Variants in ZNF814 observed in about 807,000 individuals in gnomAD.
ZNF814 encodes zinc finger protein 814.
ZNF814 carries 5 observed loss-of-function variants against 7.5 expected under a neutral mutation model. That is an observed-to-expected ratio of 0.67 (90% confidence interval 0.35 to 1.40). The LOEUF is 1.40. Among genes scored for constraint, ZNF814 ranks in the 40% most tolerant of loss-of-function variants. The probability of loss-of-function intolerance (pLI) is 0.04; values close to 1 mark genes in which losing one functional copy is unlikely to be tolerated. For missense variants in ZNF814, 962 were observed against 1,018.0 expected (o/e 0.94, Z 0.75); for synonymous variants, 315 against 340.7 (o/e 0.92, Z 0.83).
intron 1 of ZNF814, chr19:57,886,054 A>T (rs1472958775): frequency 2.0e-5 from 3 of 151,964 alleles, no homozygotes; most frequent in Non-Finnish European, 4.4e-5. Context: ...ACAAAAATTT[A>T]AAATTTAAAA....
intron 1 of ZNF814, among the ~76,000 whole-genome samples, chr19:57,883,417 C>T (rs1828476717): frequency 6.6e-6 from 1 of 150,842 alleles, no homozygotes; most frequent in Admixed American, 6.6e-5. Flanking sequence ...AATCCCAGCA[C>T]TTTGGGAGGC....
At chr19:57,905,047 CAAAAAAAAAAAA>C in the ZNF814 span, among the ~76,000 whole-genome samples, 1 of 53,430 alleles carries the variant, frequency 1.9e-5, no homozygotes, top group Admixed American at 2.3e-4. Context: ...AACTCCGTCT[CAAAAAAAAAAAA>C]AAAAAAAAAA....
chr19:57,877,760 CCCT>C (rs1337509467), intron 1 of ZNF814, among the ~76,000 whole-genome samples: 1 of 152,054 alleles, frequency 6.6e-6, no homozygotes, highest in African/African-American at 2.4e-5. Flanking sequence ...TATCTTAATT[CCCT>C]CCTTTTTCTT....
At chr19:57,886,633 C>T (rs1329119152) in intron 1 of ZNF814, among the ~76,000 whole-genome samples, 1 of 151,666 alleles carries the variant, frequency 6.6e-6, no homozygotes, top group Admixed American at 6.6e-5. Flanking sequence ...AATCCCAGCA[C>T]TTTCGGAGGC....
Position 57,873,089 on chromosome 19 carries a change from A to G in ZNF814, c.2301T>C (p.Thr767=). 2 of 1,613,788 alleles carry G rather than the reference A, an allele frequency of 1.2e-6. No homozygotes were observed. The highest frequency in any genetic ancestry group is 1.7e-6 in the Non-Finnish European group (2 of 1,179,930). The change falls in exon 3 of 3, where the codon ACT becomes ACC. Residue 767 remains threonine (T), a synonymous_variant. Transcript: ENST00000435989. ...STFCVHKRIH[T]GEKPYECSEC... ...CACTGCACTCATAAGGCTTTTCTCC[A>G]GTGTGAATTCGCTTATGAACACAGA... is the stretch of plus-strand genomic sequence containing the variant.
At chr19:57,876,847 T>C (rs1169356552) in intron 2 of ZNF814, 69 bp downstream of exon 2, 1 of 1,597,454 alleles carries the variant, frequency 6.3e-7, no homozygotes, top group Non-Finnish European at 8.5e-7. Context: ...TGAGAAAGTC[T>C]TACCAATGGG....
At chr19:57,892,748 G>C (rs372754751), upstream of ZNF814, among the ~76,000 whole-genome samples, 34 of 152,250 alleles carry the variant, frequency 2.2e-4, no homozygotes, top group African/African-American at 7.7e-4. Flanking sequence ...AATGGGAGTG[G>C]GGGGGGCTTC....
At position 57,872,282 on chromosome 19, in the gene ZNF814, C is replaced by T. The variant is rs2071562540; in HGVS notation, c.*540G>A. On this transcript the variant is annotated 3_prime_UTR_variant, in exon 3 of 3. Transcript: ENST00000435989. ...TACATCTATGGTGTTTTTCTCATGT[C>T]AATGTTTGAGGCTCCAATAAAAAGG... Among the ~76,000 whole-genome samples the T allele has an allele frequency of 6.6e-6, 1 of 152,222 alleles. No homozygotes were observed. The highest frequency in any genetic ancestry group is 1.5e-5 in the Non-Finnish European group (1 of 68,044).
the ZNF814 span, among the ~76,000 whole-genome samples, chr19:57,896,187 A>AG: frequency 6.6e-6 from 1 of 152,046 alleles, no homozygotes; most frequent in African/African-American, 2.4e-5. This position sits in a 1 kb window ranked among gnomAD's most constrained non-coding sequence, Gnocchi z 4.2. Flanking sequence ...AAAAAAAAAA[A>AG]AAAAAGAATT....
the ZNF814 span, among the ~76,000 whole-genome samples, chr19:57,895,708 A>G: frequency 2.0e-5 from 3 of 152,100 alleles, no homozygotes; most frequent in Non-Finnish European, 4.4e-5. Context: ...AAGTCGGCCA[A>G]TTAGTGCTGC....
At chr19:57,897,300 T>C in the ZNF814 span, among the ~76,000 whole-genome samples, 1 of 152,202 alleles carries the variant, frequency 6.6e-6, no homozygotes, top group East Asian at 1.9e-4. Flanking sequence ...AGGCTACTCT[T>C]TTAGCTCAAG....
At chr19:57,891,538 AATC>A (rs1212094410), upstream of ZNF814, among the ~76,000 whole-genome samples, 3 of 150,062 alleles carry the variant, frequency 2.0e-5, no homozygotes, top group Admixed American at 6.7e-5. Context: ...AAAAAAAAAA[AATC>A]AAGAAATAAC....
chr19:57,891,441 C>T (rs140222669), upstream of ZNF814, among the ~76,000 whole-genome samples: 507 of 151,262 alleles, frequency 3.4e-3, 4 homozygotes, highest in Middle Eastern at 0.014. Context: ...AGGGGAACGG[C>T]GTGAACCCGG....
At chr19:57,886,213 G>C (rs1367371720) in intron 1 of ZNF814, among the ~76,000 whole-genome samples, 5 of 152,108 alleles carry the variant, frequency 3.3e-5, no homozygotes, top group African/African-American at 9.7e-5. Context: ...GCTTGGAGGA[G>C]AGGCAGACAT....
the ZNF814 span, among the ~76,000 whole-genome samples, chr19:57,904,943 G>C: frequency 6.6e-6 from 1 of 151,684 alleles, no homozygotes; most frequent in Non-Finnish European, 1.5e-5. Context: ...CTAGCTACTC[G>C]GGAGGCTGAG....
At chr19:57,897,249 A>C in the ZNF814 span, among the ~76,000 whole-genome samples, 1 of 152,166 alleles carries the variant, frequency 6.6e-6, no homozygotes, top group East Asian at 1.9e-4. Context: ...ATTTGGCTGA[A>C]TATATTAAGG....
chr19:57,874,281 T>C lies in ZNF814; in HGVS notation c.1109A>G (p.His370Arg), dbSNP rs1317824780. ...SFSKYVSFSN[H>R]QRVHTGKRPY... ...TCTTTTCCCAGTGTGAACTCTCTGA[T>C]GATTACTGAAGCTAACATATTTGCT... The change falls in exon 3 of 3, where the codon CAT (histidine) becomes CGT (arginine). Residue 370 changes from histidine to arginine, a missense_variant. Physicochemically the swap from His to Arg is conservative, Grantham distance 29. Around this residue, in one of 7 missense-constraint regions of ZNF814, gnomAD observed 0 missense variants for 21.6 expected, o/e 0.00. Transcript: ENST00000435989. 1 of 1,598,200 alleles carries C rather than the reference T, an allele frequency of 6.3e-7. No individual in the cohort carries two copies. The highest frequency in any genetic ancestry group is 8.5e-7 in the Non-Finnish European group (1 of 1,172,084).
chr19:57,875,236 A>G lies in ZNF814; in HGVS notation c.164-10T>C. On this transcript the variant is annotated splice_polypyrimidine_tract_variant and intron_variant, in intron 2 of 2. Coordinates refer to ENST00000435989, the MANE Select transcript of ZNF814 (RefSeq NM_001144989.2). ...ACTCCACACCAACAACCTGAAAGCAAGAAAATGCTGGTGAAGTGCATGTTA... is the reference window on the plus strand; with the variant it reads ...ACTCCACACCAACAACCTGAAAGCAGGAAAATGCTGGTGAAGTGCATGTTA... 2 of 1,511,530 alleles carry G rather than the reference A, an allele frequency of 1.3e-6. No individual in the cohort carries two copies. The highest frequency in any genetic ancestry group is 1.8e-6 in the Non-Finnish European group (2 of 1,129,854). The allele number at this position is 1,511,530 out of a possible 1,614,324, so 93.6% of individuals were successfully genotyped here.
At chr19:57,892,513 T>G (rs1027073770), upstream of ZNF814, among the ~76,000 whole-genome samples, 1 of 152,170 alleles carries the variant, frequency 6.6e-6, no homozygotes, top group Non-Finnish European at 1.5e-5. Context: ...GTAAAGTCCC[T>G]CTTGGCTAGG....
Sources: gnomAD v4.1 joint callset for allele counts (sites outside exome capture counted in the v4.1 genomes callset) on GRCh38, gnomAD v4.1.1 for gene constraint, gnomAD v4.1.1 regional missense constraint, Gnocchi (gnomAD v3.1) non-coding constraint, MANE v1.5 for transcripts, NCBI Gene and HGNC (gene_info 2026-07-23, HGNC 2026-07-21) for gene names.